Variants in SGCZ observed in about 807,000 individuals in gnomAD.
The protein encoded by SGCZ is zeta-sarcoglycan.
Under a neutral mutation model 41.3 loss-of-function variants are expected in SGCZ, and 40 were observed. The observed-to-expected ratio is 0.97, with a 90% CI of 0.75 to 1.26. The LOEUF is 1.26. Ranked by LOEUF, SGCZ falls within the 50% of genes most tolerant of loss-of-function variation. The pLI, the probability that SGCZ is intolerant of heterozygous loss-of-function variation, is 0.00. For synonymous variants in SGCZ, 206 were observed against 137.5 expected, an observed-to-expected ratio of 1.50 and a Z score of -3.49; for missense variants, 552 against 369.8, an observed-to-expected ratio of 1.49 and a Z score of -4.04.
chr8:14,664,502 G>C (rs1250460647), intron 1 of SGCZ, among the ~76,000 whole-genome samples: 1 of 152,148 alleles, frequency 6.6e-6, no homozygotes, highest in Non-Finnish European at 1.5e-5. Context: ...AAAGATATGT[G>C]ATATTTCAAC....
chr8:14,223,927 C>T (rs530206847), intron 4 of SGCZ, among the ~76,000 whole-genome samples: 54 of 152,078 alleles, frequency 3.6e-4, no homozygotes, highest in Non-Finnish European at 6.9e-4. Context: ...TCACTTATCC[C>T]ATCTCAATCA....
At chr8:14,689,412 A>G (rs1383961579) in intron 1 of SGCZ, among the ~76,000 whole-genome samples, 1 of 152,184 alleles carries the variant, frequency 6.6e-6, no homozygotes, top group Admixed American at 6.6e-5. Context: ...TAAACAAAAT[A>G]CCCATAGAAG....
At chr8:14,965,264 G>A (rs1179242930) in intron 1 of SGCZ, among the ~76,000 whole-genome samples, 1 of 152,038 alleles carries the variant, frequency 6.6e-6, no homozygotes, top group Non-Finnish European at 1.5e-5. Flanking sequence ...CCCAAATCTG[G>A]TCCAGTCAAA....
intron 1 of SGCZ, among the ~76,000 whole-genome samples, chr8:15,022,569 C>A (rs1263438563): frequency 6.6e-6 from 1 of 152,122 alleles, no homozygotes; most frequent in Non-Finnish European, 1.5e-5. Flanking sequence ...GTCTCGATCT[C>A]TTGACCTCAT....
At chr8:14,800,896 C>CA (rs1344361263) in intron 1 of SGCZ, among the ~76,000 whole-genome samples, 1 of 114,060 alleles carries the variant, frequency 8.8e-6, no homozygotes, top group Admixed American at 9.8e-5. Flanking sequence ...CACAAGCAAA[C>CA]AAAAAACATC....
chr8:14,372,473 T>C (rs1271193891), intron 2 of SGCZ, among the ~76,000 whole-genome samples: 1 of 152,100 alleles, frequency 6.6e-6, no homozygotes, highest in Non-Finnish European at 1.5e-5. Flanking sequence ...ACTTACATTT[T>C]GGTGAGGTGA....
intron 3 of SGCZ, among the ~76,000 whole-genome samples, chr8:14,251,448 T>C (rs900455680): frequency 6.6e-6 from 1 of 152,132 alleles, no homozygotes; most frequent in Non-Finnish European, 1.5e-5. Flanking sequence ...AACTCTGCTG[T>C]TGTAGGTCAA....
intron 1 of SGCZ, among the ~76,000 whole-genome samples, chr8:14,897,732 G>T (rs1805255317): frequency 6.6e-6 from 1 of 152,146 alleles, no homozygotes; most frequent in Non-Finnish European, 1.5e-5. Flanking sequence ...TCAACAAATG[G>T]CCATTCTCAT....
At chr8:14,895,387 T>C (rs1209983122) in intron 1 of SGCZ, among the ~76,000 whole-genome samples, 1 of 152,134 alleles carries the variant, frequency 6.6e-6, no homozygotes, top group African/African-American at 2.4e-5. Context: ...TAAGACACAA[T>C]TACCAATGCA....
At chr8:14,301,555 C>T (rs1007284195) in intron 3 of SGCZ, among the ~76,000 whole-genome samples, 2 of 152,104 alleles carry the variant, frequency 1.3e-5, no homozygotes, top group African/African-American at 2.4e-5. Flanking sequence ...AATTGACTTA[C>T]ATGAAATCTG....
chr8:14,919,967 T>G (rs542299303), intron 1 of SGCZ, among the ~76,000 whole-genome samples: 1 of 152,306 alleles, frequency 6.6e-6, no homozygotes, highest in East Asian at 1.9e-4. Flanking sequence ...CAATAATTAC[T>G]GCGATGTTAT....
chr8:14,728,131 A>T (rs1185162311), intron 1 of SGCZ, among the ~76,000 whole-genome samples: 1 of 152,186 alleles, frequency 6.6e-6, no homozygotes, highest in Non-Finnish European at 1.5e-5. Flanking sequence ...TTCTGGGGTG[A>T]TAAATATGTT....
intron 3 of SGCZ, among the ~76,000 whole-genome samples, chr8:14,240,245 T>C (rs975829527): frequency 2.0e-5 from 3 of 147,278 alleles, no homozygotes; most frequent in Non-Finnish European, 4.4e-5. Flanking sequence ...GGAGAATCAC[T>C]TGAAGCTGGG....
intron 1 of SGCZ, among the ~76,000 whole-genome samples, chr8:14,697,877 G>T (rs1281758044): frequency 6.6e-6 from 1 of 151,742 alleles, no homozygotes; most frequent in Non-Finnish European, 1.5e-5. Flanking sequence ...GAAATTCTTG[G>T]TTGCTTTCTG....
intron 1 of SGCZ, among the ~76,000 whole-genome samples, chr8:14,904,549 A>C (rs1246653401): frequency 6.6e-6 from 1 of 152,074 alleles, no homozygotes; most frequent in African/African-American, 2.4e-5. Flanking sequence ...TAATTTCTGA[A>C]GGAAATTTTA....
At chr8:14,221,011 G>A (rs1193344918) in intron 4 of SGCZ, among the ~76,000 whole-genome samples, 7 of 149,964 alleles carry the variant, frequency 4.7e-5, no homozygotes, top group African/African-American at 7.3e-5. Context: ...GCCTAATATA[G>A]AAAAAAAAAA....
At chr8:14,979,289 A>G (rs1023855586) in intron 1 of SGCZ, among the ~76,000 whole-genome samples, 1 of 152,216 alleles carries the variant, frequency 6.6e-6, no homozygotes, top group Non-Finnish European at 1.5e-5. Context: ...TGTAATACTC[A>G]CAAATTTCAT....
At chr8:14,938,407 G>C (rs1381727911) in intron 1 of SGCZ, among the ~76,000 whole-genome samples, 1 of 152,054 alleles carries the variant, frequency 6.6e-6, no homozygotes, top group Non-Finnish European at 1.5e-5. Context: ...CTTACTTAAT[G>C]TGAAAATGAT....
At chr8:14,209,229 C>T (rs1422354926) in intron 4 of SGCZ, among the ~76,000 whole-genome samples, 1 of 152,206 alleles carries the variant, frequency 6.6e-6, no homozygotes, top group Non-Finnish European at 1.5e-5. Context: ...CCATGTAAAT[C>T]AGACACACAG....
Sources: allele counts gnomAD v4.1 joint callset (sites outside exome capture counted in the v4.1 genomes callset), GRCh38; gene constraint gnomAD v4.1.1; transcripts MANE v1.5; gene names NCBI Gene and HGNC (gene_info 2026-07-23, HGNC 2026-07-21).